NDUFA12: variants seen among roughly 807,000 people sequenced by gnomAD.
The protein encoded by NDUFA12 is NADH dehydrogenase [ubiquinone] 1 alpha subcomplex subunit 12.
In NDUFA12, 17 loss-of-function variants were observed where a neutral mutation model predicts 20.3. The observed-to-expected ratio is 0.84, with a 90% CI of 0.57 to 1.26. NDUFA12 has a LOEUF of 1.26. NDUFA12 is among the 50% of genes most tolerant of loss of function. NDUFA12 has a pLI of 0.00. For synonymous variants in NDUFA12, 72 were observed against 63.6 expected (o/e 1.13, Z -0.63); for missense variants, 191 against 183.7 (o/e 1.04, Z -0.23).
At chr12:94,989,341 A>G (rs1874557821) in intron 3 of NDUFA12, among the ~76,000 whole-genome samples, 1 of 152,208 alleles carries the variant, frequency 6.6e-6, no homozygotes, top group Non-Finnish European at 1.5e-5. Flanking sequence ...GGTACTAAAT[A>G]GTTATTTGAA....
intron 3 of NDUFA12, among the ~76,000 whole-genome samples, chr12:94,975,557 C>G (rs1874039397): frequency 6.6e-6 from 1 of 152,074 alleles, no homozygotes; most frequent in Non-Finnish European, 1.5e-5. Context: ...GTATCAAAAA[C>G]TTATAAAACA....
Position 94,982,264 on chromosome 12 carries a change from CTTTTTCTTTTCTTTT to C in NDUFA12, c.258-10659_258-10645del, listed in dbSNP as rs1267304038. Reference sequence around the variant, plus strand: ...CACCCAGCCGTCCAGAAGCTATTTTCTTTTTCTTTTCTTTTTTTTTTTTTTTTTTGAGACAGAGTC... The same window carrying C: ...CACCCAGCCGTCCAGAAGCTATTTTCTTTTTTTTTTTTTTGAGACAGAGTC... On this transcript the variant is annotated intron_variant, in intron 3 of 3. Transcript: ENST00000327772. Among the ~76,000 whole-genome samples the C allele has an allele frequency of 5.4e-3, 655 of 122,318 alleles. 2 individuals carry two copies. Among genetic ancestry groups the C allele is most frequent in the Admixed American group, 0.011 (103 of 9,714 alleles). The allele number at this position is 122,318 out of a possible 152,430, so 80.2% of individuals were successfully genotyped here. A position where few individuals can be genotyped will look rare whatever the true frequency, so the allele number is the denominator to read the frequency against.
intron 3 of NDUFA12, among the ~76,000 whole-genome samples, chr12:94,988,698 C>A (rs940556056): frequency 6.6e-6 from 1 of 152,120 alleles, no homozygotes; most frequent in Non-Finnish European, 1.5e-5. Context: ...AGGGGCAGGC[C>A]GTCCAGGTAC....
rs371371825 is a variant in NDUFA12 at position 94,978,625 on chromosome 12, T to A, written c.258-7005A>T. On this transcript the variant is annotated intron_variant, in intron 3 of 3. Coordinates refer to ENST00000327772, the MANE Select transcript of NDUFA12 (RefSeq NM_018838.5). ...GAGATGTATTAACTAAATTTGCAAA[T>A]GGGTATTACTGTTTAGGACAATGTA... is the stretch of plus-strand genomic sequence containing the variant. 4.6e-5 allele frequency among the ~76,000 whole-genome samples: 7 copies of A among 152,318 alleles called. No individual in the cohort carries two copies. The South Asian group carries it at 6.2e-4, about 14-fold the overall frequency.
At chr12:94,981,343 G>A (rs992064064) in intron 3 of NDUFA12, among the ~76,000 whole-genome samples, 2 of 152,158 alleles carry the variant, frequency 1.3e-5, no homozygotes, top group African/African-American at 4.8e-5. Context: ...AGCTACTCCG[G>A]GTGCTGAGGC....
intron 3 of NDUFA12, among the ~76,000 whole-genome samples, chr12:94,976,550 CTT>C (rs1032179264): frequency 4.6e-5 from 7 of 152,134 alleles, no homozygotes; most frequent in Non-Finnish European, 1.0e-4. Flanking sequence ...CTGCATATGA[CTT>C]CATTCATGTG....
At chr12:94,993,452 C>T (rs1390895120) in intron 3 of NDUFA12, among the ~76,000 whole-genome samples, 2 of 149,414 alleles carry the variant, frequency 1.3e-5, no homozygotes, top group Admixed American at 6.7e-5. Flanking sequence ...CGGTGAAACC[C>T]CATCTCTACT....
chr12:94,994,066 A>G, intron 3 of NDUFA12, 104 bp downstream of exon 3: 1 of 1,008,452 alleles, frequency 9.9e-7, no homozygotes, highest in Admixed American at 2.0e-5. Context: ...CAAAGCTGAC[A>G]TGAGTCATGA....
In NDUFA12 at chr12:94,991,879, G is replaced by A. The variant is rs139832826; in HGVS notation, c.257+2291C>T. Reference sequence around the variant, plus strand: ...GCCTGCTGCCCTCTTTGACAAGTCTGTACTTTTCAGTTCACTGCAGTCTCC... The same window carrying A: ...GCCTGCTGCCCTCTTTGACAAGTCTATACTTTTCAGTTCACTGCAGTCTCC... On this transcript the variant is annotated intron_variant, in intron 3 of 3. Transcript: ENST00000327772. Among the ~76,000 whole-genome samples the A allele has an allele frequency of 1.5e-4, 23 of 152,236 alleles. No individual in the cohort carries two copies. The East Asian group carries it at 4.2e-3, about 28-fold the overall frequency.
intron 3 of NDUFA12, 85 bp downstream of exon 3, chr12:94,994,085 C>T: frequency 8.3e-7 from 1 of 1,206,518 alleles, no homozygotes; most frequent in Admixed American, 1.9e-5. Flanking sequence ...GATCATGTCA[C>T]TGCACTCCAG....
At chr12:95,002,944 G>A (rs1875112188) in intron 1 of NDUFA12, 123 bp from the exon 2 acceptor site, 1 of 805,992 alleles carries the variant, frequency 1.2e-6, no homozygotes, top group African/African-American at 1.7e-5. Flanking sequence ...GCAAAATGAA[G>A]AAGTGCTGGG....
At position 94,971,595 on chromosome 12, in the gene NDUFA12, C is replaced by T; in HGVS notation, c.283G>A (p.Asp95Asn). ...AGTGGTTTTGTTGTTGGAGGATCAT[C>T]AGTCATACTGTGAAGCCAACGATGC... ...EWHRWLHSMT[D>N]DPPTTKPLTA... is the part of the protein sequence containing the mutation. The change falls in exon 4 of 4, where the codon GAT (aspartate) becomes AAT (asparagine). Residue 95 changes from aspartate to asparagine, a missense_variant. Physicochemically the swap from Asp to Asn is conservative, Grantham distance 23. Transcript: ENST00000327772. 6.2e-7 allele frequency: 1 copy of T among 1,614,138 alleles called. No homozygotes were observed. Among genetic ancestry groups the T allele is most frequent in the African/African-American group, 1.3e-5 (1 of 75,032 alleles).
At chr12:94,974,192 G>C (rs1425541464) in intron 3 of NDUFA12, among the ~76,000 whole-genome samples, 1 of 151,670 alleles carries the variant, frequency 6.6e-6, no homozygotes, top group Non-Finnish European at 1.5e-5. Context: ...GGCTGGTCTC[G>C]AACTCCTGGC....
chr12:94,983,430 G>C (rs912668650), intron 3 of NDUFA12, among the ~76,000 whole-genome samples: 1 of 152,142 alleles, frequency 6.6e-6, no homozygotes, highest in African/African-American at 2.4e-5. Flanking sequence ...TCAAGAGGTG[G>C]CCTGTGCAGA....
chr12:95,002,622 G>T, intron 2 of NDUFA12, 117 bp downstream of exon 2: 15 of 748,932 alleles, frequency 2.0e-5, no homozygotes, highest in East Asian at 2.7e-5. Context: ...ATTTTCTATT[G>T]AGTTTTTCAT....
chr12:94,999,196 T>C (rs1167572516), intron 2 of NDUFA12, among the ~76,000 whole-genome samples: 1 of 152,210 alleles, frequency 6.6e-6, no homozygotes, highest in African/African-American at 2.4e-5. Context: ...CACAGCCAAC[T>C]GATCTTCAAC....
chr12:95,003,480 G>A, intron 1 of NDUFA12, 115 bp downstream of exon 1: 3 of 1,132,322 alleles, frequency 2.6e-6, no homozygotes, highest in Non-Finnish European at 4.0e-6. Context: ...TGGGGCGGTT[G>A]TCCTTGACAA....
intron 2 of NDUFA12, among the ~76,000 whole-genome samples, chr12:95,000,865 A>G (rs565489009): frequency 2.0e-5 from 3 of 152,318 alleles, no homozygotes; most frequent in Admixed American, 6.5e-5. Context: ...ATCATTCTTA[A>G]CAACAACGTA....
intron 3 of NDUFA12, among the ~76,000 whole-genome samples, chr12:94,979,835 C>CAAAA (rs35821688): frequency 7.3e-6 from 1 of 137,258 alleles, no homozygotes. Flanking sequence ...GACCCTGTCT[C>CAAAA]AAAAAAAAAA....
Sources: allele counts gnomAD v4.1 joint callset (sites outside exome capture counted in the v4.1 genomes callset), GRCh38; gene constraint gnomAD v4.1.1; transcripts MANE v1.5; gene names NCBI Gene and HGNC (gene_info 2026-07-23, HGNC 2026-07-21).